The following DGKK variants were observed in gnomAD, a reference collection of about 807,000 sequenced individuals.
The protein encoded by DGKK is 142 kDa diacylglycerol kinase.
A neutral mutation model predicts 92.2 loss-of-function variants in DGKK; 35 were observed. That is an observed-to-expected ratio of 0.38 (90% CI 0.29 to 0.50). The LOEUF (loss-of-function observed/expected upper bound fraction) is 0.50, where lower values mean the gene tolerates loss of function less well. DGKK is among the 20% of genes least tolerant of loss of function. DGKK has a pLI of 0.92. For synonymous variants in DGKK, 368 were observed against 360.6 expected (o/e 1.02, Z -0.23); for missense variants, 910 against 992.2 (o/e 0.92, Z 1.11).
At chrX:50,402,080 AC>A (rs1487725451) in intron 7 of DGKK, among the ~76,000 whole-genome samples, 1 of 111,262 alleles carries the variant, frequency 9.0e-6, no homozygotes, top group Non-Finnish European at 1.9e-5. Context: ...CCAGTTGAGG[AC>A]CACTGGTTTA....
rs192698443 is a variant in DGKK, at chrX:50,455,100, G to A, written c.645+14934C>T. On this transcript the variant is annotated intron_variant, in intron 1 of 27. Coordinates refer to ENST00000611977, the MANE Select transcript of DGKK (RefSeq NM_001013742.4). ...CAGTTCACACTTTCAAACAATTACT[G>A]ATTTATTCCCTGATTATTCTGTCTG... is the stretch of plus-strand genomic sequence containing the variant. Among the ~76,000 whole-genome samples, 110 of 111,925 alleles carry A rather than the reference G, an allele frequency of 9.8e-4. 1 individual carries two copies. The highest frequency in any genetic ancestry group is 5.3e-4 in the Non-Finnish European group (28 of 53,037).
rs1168821316 is a variant in DGKK, at chrX:50,387,660, A to G, written c.2019-7T>C. On this transcript the variant is annotated splice_polypyrimidine_tract_variant and splice_region_variant and intron_variant, in intron 13 of 27. Coordinates refer to ENST00000611977, the MANE Select transcript of DGKK (RefSeq NM_001013742.4). Reference sequence around the variant, plus strand: ...CACAGCTGAACACAAGAATCTGGAAAGATAAAATAGATGGCACAATGTTAC... The same window carrying G: ...CACAGCTGAACACAAGAATCTGGAAGGATAAAATAGATGGCACAATGTTAC... 2 of 1,141,619 alleles carry G rather than the reference A, an allele frequency of 1.8e-6. No individual in the cohort carries two copies. The highest frequency in any genetic ancestry group is 2.4e-6 in the Non-Finnish European group (2 of 835,274). 94.1% of individuals were successfully genotyped at this position (1,141,619 alleles called of 1,213,427 possible).
chrX:50,402,748 T>C (rs1163147817), intron 7 of DGKK, among the ~76,000 whole-genome samples: 2 of 111,577 alleles, frequency 1.8e-5, no homozygotes, highest in Non-Finnish European at 1.9e-5. Flanking sequence ...AGGGAGTAGG[T>C]TTCTCAAAGG....
intron 1 of DGKK, among the ~76,000 whole-genome samples, chrX:50,424,980 T>C (rs1602290064): frequency 8.9e-6 from 1 of 112,220 alleles, no homozygotes; most frequent in Middle Eastern, 4.6e-3. Context: ...GTCTAACCAC[T>C]GATTTTTCAG....
intron 1 of DGKK, among the ~76,000 whole-genome samples, chrX:50,453,610 CA>C (rs1926542088): frequency 9.0e-6 from 1 of 111,268 alleles, no homozygotes; most frequent in Non-Finnish European, 1.9e-5. Context: ...ATACAGGAAA[CA>C]AAACTGAGAC....
chrX:50,445,137 T>C lies in DGKK; in HGVS notation c.646-20779A>G, dbSNP rs1455568609. On this transcript the variant is annotated intron_variant, in intron 1 of 27. Coordinates refer to ENST00000611977, the MANE Select transcript of DGKK (RefSeq NM_001013742.4). The stretch of plus-strand genomic sequence containing the variant: ...CTTTGCCCACTTTTTTTTTTTTTTT[T>C]TTTTTGTAAATCTGTTTAAGCTCCT... 2.8e-5 allele frequency among the ~76,000 whole-genome samples: 3 copies of C among 105,541 alleles called. No individual in the cohort carries two copies. In the East Asian group the frequency reaches 8.9e-4, roughly 31 times the overall value. 91.6% of individuals were successfully genotyped at this position (105,541 alleles called of 115,157 possible). A position where few individuals can be genotyped will look rare whatever the true frequency, so the allele number is the denominator to read the frequency against.
chrX:50,437,808 C>T (rs1015539748), intron 1 of DGKK, among the ~76,000 whole-genome samples: 1 of 111,327 alleles, frequency 9.0e-6, no homozygotes. Flanking sequence ...ACAAGGGATG[C>T]TTATTTTCCC....
chrX:50,420,995 A>G (rs1356736140), intron 3 of DGKK, among the ~76,000 whole-genome samples: 1 of 111,946 alleles, frequency 8.9e-6, no homozygotes, highest in Non-Finnish European at 1.9e-5. Flanking sequence ...TGAAAACCCT[A>G]CTTGCTTACT....
intron 15 of DGKK, among the ~76,000 whole-genome samples, chrX:50,385,089 G>C (rs1228288059): frequency 9.0e-6 from 1 of 111,612 alleles, no homozygotes; most frequent in East Asian, 2.8e-4. Flanking sequence ...TTGTTTTACT[G>C]GTTACTCTTT....
intron 1 of DGKK, among the ~76,000 whole-genome samples, chrX:50,441,946 C>T (rs1485496927): frequency 1.8e-5 from 2 of 111,521 alleles, no homozygotes; most frequent in African/African-American, 6.5e-5. Flanking sequence ...CTCATTGATA[C>T]ACTTCAACAA....
chrX:50,456,784 T>G (rs1203662305), intron 1 of DGKK, among the ~76,000 whole-genome samples: 1 of 110,936 alleles, frequency 9.0e-6, no homozygotes, highest in Non-Finnish European at 1.9e-5. Context: ...GTTAGAAAAA[T>G]CTATAATCCT....
chrX:50,447,290 G>A (rs1162136617), intron 1 of DGKK, among the ~76,000 whole-genome samples: 1 of 69,447 alleles, frequency 1.4e-5, no homozygotes, highest in Admixed American at 1.9e-4. Flanking sequence ...TCTAAAATTC[G>A]TTAATGTCTA....
chrX:50,372,195 T>G (rs1032524696), intron 25 of DGKK, among the ~76,000 whole-genome samples: 1 of 112,319 alleles, frequency 8.9e-6, no homozygotes, highest in Admixed American at 9.4e-5. Context: ...TACCTAGCTT[T>G]GAGCACATAC....
intron 1 of DGKK, among the ~76,000 whole-genome samples, chrX:50,465,113 A>G (rs1157093469): frequency 4.5e-5 from 5 of 111,969 alleles, no homozygotes; most frequent in African/African-American, 6.5e-5. Flanking sequence ...AAGTCAAATA[A>G]AGTTTACAAA....
chrX:50,447,332 A>G (rs1222423945), intron 1 of DGKK, among the ~76,000 whole-genome samples: 2 of 24,349 alleles, frequency 8.2e-5, no homozygotes, highest in African/African-American at 3.4e-4. Flanking sequence ...GTATGTATAT[A>G]TATATATATA....
chrX:50,416,672 T>C (rs1195008318), intron 4 of DGKK, among the ~76,000 whole-genome samples: 2 of 111,890 alleles, frequency 1.8e-5, no homozygotes, highest in Non-Finnish European at 3.8e-5. Context: ...ATTGGTAGGA[T>C]GACCATGTTG....
intron 20 of DGKK, 58 bp downstream of exon 20, chrX:50,379,569 A>C: frequency 6.0e-6 from 6 of 995,090 alleles, no homozygotes; most frequent in Non-Finnish European, 8.5e-6. Flanking sequence ...TGCTTCCTTC[A>C]GAGAGACCTT....
At chrX:50,425,723 C>A in intron 1 of DGKK, among the ~76,000 whole-genome samples, 1 of 111,319 alleles carries the variant, frequency 9.0e-6, no homozygotes, top group South Asian at 3.8e-4. Context: ...TATTGTAACA[C>A]CCTTGGGATG....
rs1924018381 is a variant in DGKK at position 50,368,148 on chromosome X, T to A, written c.*792A>T. On this transcript the variant is annotated 3_prime_UTR_variant, in exon 28 of 28. Transcript: ENST00000611977. ...AGCGGCAAAACATTTAGTTAAAAAA[T>A]CCAGCAAGAATGCAGGCAAACACTC... is the stretch of plus-strand genomic sequence containing the variant. 1 of 110,226 alleles carries A rather than the reference T, an allele frequency of 9.1e-6. No individual in the cohort carries two copies. Among genetic ancestry groups the A allele is most frequent in the African/African-American group, 3.3e-5 (1 of 30,172 alleles). The allele number at this position is 110,226 out of a possible 1,213,427, so 9.1% of individuals were successfully genotyped here. A position where few individuals can be genotyped will look rare whatever the true frequency, so the allele number is the denominator to read the frequency against.
Sources: gnomAD v4.1 joint callset for allele counts (sites outside exome capture counted in the v4.1 genomes callset) on GRCh38, gnomAD v4.1.1 for gene constraint, MANE v1.5 for transcripts, NCBI Gene and HGNC (gene_info 2026-07-23, HGNC 2026-07-21) for gene names.